DMD: variants seen among roughly 807,000 people sequenced by gnomAD.
DMD encodes dystrophin, also known as mutant dystrophin.
In DMD, 63 loss-of-function variants were observed where a neutral mutation model predicts 330.1. The observed-to-expected ratio is 0.19, with a 90% CI of 0.16 to 0.24. DMD has a LOEUF of 0.24. DMD is among the 10% of genes least tolerant of loss of function. The pLI is 1.00. For missense variants in DMD, 3,344 were observed against 2,684.1 expected, an observed-to-expected ratio of 1.25 and a Z score of -5.43; for synonymous variants, 1,223 against 959.8, an observed-to-expected ratio of 1.27 and a Z score of -5.07.
At chrX:32,532,727 C>T (rs750914445) in intron 17 of DMD, among the ~76,000 whole-genome samples, 143 of 112,293 alleles carry the variant, frequency 1.3e-3, no homozygotes, top group Non-Finnish European at 1.4e-3. Context: ...CACTTTCTCA[C>T]GTGTGAGAGT....
At chrX:31,837,062 T>G (rs1018283753) in intron 48 of DMD, among the ~76,000 whole-genome samples, 7 of 111,768 alleles carry the variant, frequency 6.3e-5, no homozygotes, top group South Asian at 3.7e-4. Flanking sequence ...AACACAGGCA[T>G]TAACTACTTT....
At chrX:33,160,223 T>C (rs1238634929) in intron 1 of DMD, among the ~76,000 whole-genome samples, 2 of 112,131 alleles carry the variant, frequency 1.8e-5, no homozygotes, top group African/African-American at 6.5e-5. Context: ...ATTAAATGCA[T>C]TTTCCACTTA....
chrX:32,032,090 C>G (rs1362436987), intron 44 of DMD, among the ~76,000 whole-genome samples: 1 of 110,867 alleles, frequency 9.0e-6, no homozygotes, highest in East Asian at 2.8e-4. Flanking sequence ...TTTAGATGTA[C>G]CTATTTAGTG....
At chrX:32,862,856 C>T (rs1312130882) in intron 2 of DMD, among the ~76,000 whole-genome samples, 1 of 110,675 alleles carries the variant, frequency 9.0e-6, no homozygotes, top group Non-Finnish European at 1.9e-5. Context: ...CCTGCCTCCG[C>T]GTCCCTAGTA....
At position 32,534,950 on chromosome X, in the gene DMD, T is replaced by C. The variant is rs186528484; in HGVS notation, c.2168+10209A>G. 7.1e-3 allele frequency among the ~76,000 whole-genome samples: 786 copies of C among 111,446 alleles called. 17 individuals are homozygous for C. Among genetic ancestry groups the C allele is most frequent in the Admixed American group, 0.06 (624 of 10,445 alleles). On this transcript the variant is annotated intron_variant, in intron 17 of 78. Coordinates refer to ENST00000357033, the MANE Select transcript of DMD (RefSeq NM_004006.3). Reference sequence around the variant, plus strand: ...GGTTTCTGACCAGGGAAGACTTTACTAAGAATACTCTCAGAAGATGTCAGA... The same window carrying C: ...GGTTTCTGACCAGGGAAGACTTTACCAAGAATACTCTCAGAAGATGTCAGA...
intron 55 of DMD, among the ~76,000 whole-genome samples, chrX:31,619,818 C>T (rs1021174870): frequency 8.9e-6 from 1 of 111,879 alleles, no homozygotes; most frequent in Non-Finnish European, 1.9e-5. Flanking sequence ...AACATGTTTA[C>T]GTATGAATGA....
chrX:32,062,403 A>G (rs905332487), intron 44 of DMD, among the ~76,000 whole-genome samples: 2 of 111,125 alleles, frequency 1.8e-5, no homozygotes, highest in Non-Finnish European at 3.8e-5. Flanking sequence ...CAGAATAAAT[A>G]TATCATATAA....
At chrX:32,014,731 G>T (rs1417434424) in intron 44 of DMD, among the ~76,000 whole-genome samples, 3 of 112,162 alleles carry the variant, frequency 2.7e-5, no homozygotes, top group Non-Finnish European at 5.6e-5. Context: ...AAGAACATAA[G>T]TGAAGGTCAG....
intron 44 of DMD, among the ~76,000 whole-genome samples, chrX:32,074,832 G>A (rs1482497142): frequency 3.7e-5 from 4 of 107,663 alleles, no homozygotes; most frequent in Non-Finnish European, 5.7e-5. Context: ...GCTCAGTTAC[G>A]GAAGTGGAAG....
intron 60 of DMD, among the ~76,000 whole-genome samples, chrX:31,357,452 A>G (rs1392214582): frequency 1.8e-5 from 2 of 111,638 alleles, no homozygotes; most frequent in Admixed American, 1.9e-4. Flanking sequence ...ATAAATGCAA[A>G]AAGATAAAGC....
At chrX:31,406,584 A>G (rs1375469469) in intron 60 of DMD, among the ~76,000 whole-genome samples, 1 of 111,288 alleles carries the variant, frequency 9.0e-6, no homozygotes, top group Non-Finnish European at 1.9e-5. Flanking sequence ...ACAGTGATAG[A>G]TAACATTATT....
chrX:32,198,198 A>T (rs1205168923), intron 44 of DMD, among the ~76,000 whole-genome samples: 4 of 112,072 alleles, frequency 3.6e-5, no homozygotes, highest in African/African-American at 1.3e-4. Flanking sequence ...TATCAACTAT[A>T]TTCCAAAAAT....
At chrX:31,138,841 T>C (rs2035674268) in intron 76 of DMD, among the ~76,000 whole-genome samples, 1 of 110,948 alleles carries the variant, frequency 9.0e-6, no homozygotes, top group Non-Finnish European at 1.9e-5. Flanking sequence ...TGAGATGAGA[T>C]TTAGGTGGGA....
At chrX:33,076,903 G>A (rs2094850529) in intron 1 of DMD, among the ~76,000 whole-genome samples, 1 of 111,565 alleles carries the variant, frequency 9.0e-6, no homozygotes, top group East Asian at 2.9e-4. Flanking sequence ...AGCATTCGGG[G>A]AGCAGAGTTT....
intron 29 of DMD, among the ~76,000 whole-genome samples, chrX:32,429,991 T>A (rs755640689): frequency 9.0e-6 from 1 of 111,642 alleles, no homozygotes; most frequent in East Asian, 2.8e-4. Flanking sequence ...ATTTTTATAG[T>A]AAGGGTCTAT....
At chrX:32,126,465 C>A (rs2096662198) in intron 44 of DMD, among the ~76,000 whole-genome samples, 1 of 112,104 alleles carries the variant, frequency 8.9e-6, no homozygotes, top group Non-Finnish European at 1.9e-5. Context: ...CCAGATAAAT[C>A]TCTGCTGCAA....
At position 32,595,773 on chromosome X, in the gene DMD, A is replaced by G. The variant is rs889238270; in HGVS notation, c.1586T>C (p.Leu529Ser). 5.0e-6 allele frequency: 6 copies of G among 1,209,564 alleles called. No individual in the cohort carries two copies. The Admixed American group carries it at 1.1e-4, about 22-fold the overall frequency. ...TAATCTGACCTTAAGTTGTTCTTCC[A>G]AAGCAGCAGTTGCGTGATCTCCACT... ...ESSGDHATAA[L>S]EEQLKVLGDR... is the part of the protein sequence containing the mutation. Residue 529 changes from leucine (L) to serine (S), a missense_variant, in exon 13 of 79, where the codon TTG (leucine) becomes TCG (serine). Coordinates refer to ENST00000357033, the MANE Select transcript of DMD (RefSeq NM_004006.3).
chrX:32,056,477 C>T (rs2096176228), intron 44 of DMD, among the ~76,000 whole-genome samples: 1 of 105,512 alleles, frequency 9.5e-6, no homozygotes, highest in Admixed American at 1.0e-4. Context: ...AAAAAGAATG[C>T]AAATGATTAT....
intron 44 of DMD, among the ~76,000 whole-genome samples, chrX:32,169,311 A>T (rs889312997): frequency 7.2e-5 from 8 of 111,724 alleles, no homozygotes; most frequent in African/African-American, 2.6e-4. Flanking sequence ...CCTAGACAAG[A>T]TAAGTTAACT....
Sources: allele counts gnomAD v4.1 joint callset (sites outside exome capture counted in the v4.1 genomes callset), GRCh38; gene constraint gnomAD v4.1.1; transcripts MANE v1.5; gene names NCBI Gene and HGNC (gene_info 2026-07-23, HGNC 2026-07-21).